Variants in SSPN observed in about 807,000 individuals in gnomAD.
The protein encoded by SSPN is K-ras oncogene-associated protein.
A neutral mutation model predicts 19.1 loss-of-function variants in SSPN; 15 were observed. The ratio of observed to expected loss-of-function variants is 0.78; its 90% CI spans 0.52 to 1.21. The LOEUF is 1.21. Ranked by LOEUF, SSPN falls within the 50% of genes most tolerant of loss-of-function variation. SSPN has a pLI of 0.00. For synonymous variants in SSPN, 147 were observed against 140.3 expected (o/e 1.05, Z -0.34); for missense variants, 291 against 314.0 (o/e 0.93, Z 0.55).
intron 1 of SSPN, chr12:26,124,964 A>C (rs1361230713): frequency 4.7e-6 from 3 of 633,642 alleles, no homozygotes; most frequent in Non-Finnish European, 8.6e-6. Flanking sequence ...GCTCGCACAC[A>C]CACACGCACA....
At chr12:26,159,903 G>A (rs1199329650) in intron 1 of SSPN, among the ~76,000 whole-genome samples, 2 of 152,230 alleles carry the variant, frequency 1.3e-5, no homozygotes, top group Non-Finnish European at 2.9e-5. Flanking sequence ...ATGAATGGAT[G>A]GCCCTTGATC....
At chr12:26,194,329 A>G (rs1372075378), upstream of SSPN, among the ~76,000 whole-genome samples, 1 of 152,304 alleles carries the variant, frequency 6.6e-6, no homozygotes, top group South Asian at 2.1e-4. Context: ...TTAAATATTG[A>G]CTGAGTAAAA....
chr12:26,210,683 AC>A (rs1944976086), intron 1 of SSPN, among the ~76,000 whole-genome samples: 1 of 152,126 alleles, frequency 6.6e-6, no homozygotes, highest in African/African-American at 2.4e-5. Context: ...ATCTGTTGAG[AC>A]AGAACAATTT....
chr12:26,137,666 T>A (rs1326335744), intron 1 of SSPN, among the ~76,000 whole-genome samples: 3,500 of 86,198 alleles, frequency 0.041, 108 homozygotes, highest in African/African-American at 0.11. Context: ...ATTTTTTTTT[T>A]TTTTTTTTTT....
intron 1 of SSPN, among the ~76,000 whole-genome samples, chr12:26,166,393 A>G (rs1944621376): frequency 6.6e-6 from 1 of 152,210 alleles, no homozygotes; most frequent in Admixed American, 6.5e-5. Flanking sequence ...TGAACTCGGA[A>G]ATGTAGCAAC....
At chr12:26,129,002 C>A (rs1176146946) in intron 1 of SSPN, among the ~76,000 whole-genome samples, 1 of 152,058 alleles carries the variant, frequency 6.6e-6, no homozygotes, top group Non-Finnish European at 1.5e-5. Flanking sequence ...AGAAACAGAA[C>A]TTGCCTGAAA....
Position 26,232,399 on chromosome 12 carries a change from T to A in SSPN, c.*1323T>A. On this transcript the variant is annotated 3_prime_UTR_variant, in exon 3 of 3. Coordinates refer to ENST00000242729, the MANE Select transcript of SSPN (RefSeq NM_005086.5). Reference sequence around the variant, plus strand: ...TTATTGTTGCTATTAAATTCTGAACTGTATCCATATTTTAAGGAAGGAGCT... The same window carrying A: ...TTATTGTTGCTATTAAATTCTGAACAGTATCCATATTTTAAGGAAGGAGCT... 1.0e-6 allele frequency: 1 copy of A among 985,436 alleles called. No individual in the cohort carries two copies. The allele number at this position is 985,436 out of a possible 1,614,324, so 61.0% of individuals were successfully genotyped here. A position where few individuals can be genotyped will look rare whatever the true frequency, so the allele number is the denominator to read the frequency against.
intron 1 of SSPN, among the ~76,000 whole-genome samples, chr12:26,174,503 C>CCTTCCTTCCTT (rs75173753): frequency 8.0e-5 from 10 of 124,392 alleles, no homozygotes; most frequent in African/African-American, 2.9e-4. Context: ...TTCCTTCCTT[C>CCTTCCTTCCTT]CCTTCCTTCC....
intron 1 of SSPN, among the ~76,000 whole-genome samples, chr12:26,187,988 C>T (rs545295837): frequency 5.3e-5 from 8 of 152,248 alleles, no homozygotes; most frequent in East Asian, 3.9e-4. Flanking sequence ...TAGGAAAAGA[C>T]GACAGGGCTA....
intron 1 of SSPN, among the ~76,000 whole-genome samples, chr12:26,129,999 C>T (rs999615929): frequency 6.6e-6 from 1 of 152,194 alleles, no homozygotes; most frequent in African/African-American, 2.4e-5. Flanking sequence ...CCTGGCCCTT[C>T]TGCCCCTACG....
In SSPN at chr12:26,141,957, A is replaced by G. The variant is rs552466781; in HGVS notation, c.-31+19805A>G. Among the ~76,000 whole-genome samples, 4 of 152,340 alleles carry G rather than the reference A, an allele frequency of 2.6e-5. No individual in the cohort carries two copies. In the East Asian group the frequency reaches 7.7e-4, roughly 29 times the overall value. ...GCACCCATAGGAAAAGCACCTTGGCAGGCTCTCCAGAGGAATTACTATTGG... is the reference window on the plus strand; with the variant it reads ...GCACCCATAGGAAAAGCACCTTGGCGGGCTCTCCAGAGGAATTACTATTGG... On this transcript the variant is annotated intron_variant, in intron 1 of 2. Transcript: ENST00000538142.
In SSPN at chr12:26,232,370, G is replaced by C; in HGVS notation, c.*1294G>C. ...CCCCAAGGTGGGGAGACTTCTCTCT[G>C]TGATTATTGTTGCTATTAAATTCTG... On this transcript the variant is annotated 3_prime_UTR_variant, in exon 3 of 3. Coordinates refer to ENST00000242729, the MANE Select transcript of SSPN (RefSeq NM_005086.5). 2 of 982,204 alleles carry C rather than the reference G, an allele frequency of 2.0e-6. No individual in the cohort carries two copies. The highest frequency in any genetic ancestry group is 9.4e-5 in the South Asian group (2 of 21,206). The allele number at this position is 982,204 out of a possible 1,614,324, so 60.8% of individuals were successfully genotyped here.
In SSPN at chr12:26,169,031, G is replaced by GAAAA. The variant is rs57319271; in HGVS notation, c.-31+46886_-31+46889dup. Among the ~76,000 whole-genome samples, 1,078 of 145,436 alleles carry GAAAA rather than the reference G, an allele frequency of 7.4e-3. 12 individuals are homozygous for GAAAA. Among genetic ancestry groups the GAAAA allele is most frequent in the African/African-American group, 0.023 (917 of 39,810 alleles). On this transcript the variant is annotated intron_variant, in intron 1 of 2. Coordinates refer to the SSPN transcript ENST00000538142. ...AAAGGAAGATTATGGGCCTCATTTT[G>GAAAA]AAAAAAAAAACACTTAAGGTAATGA... is the stretch of plus-strand genomic sequence containing the variant.
chr12:26,143,773 G>A (rs562245501), intron 1 of SSPN, among the ~76,000 whole-genome samples: 4 of 152,274 alleles, frequency 2.6e-5, no homozygotes, highest in Admixed American at 6.5e-5. Flanking sequence ...GGAGGTGGGC[G>A]GTGGACATGC....
chr12:26,189,376 G>A (rs1022622963), intron 1 of SSPN, among the ~76,000 whole-genome samples: 3 of 152,064 alleles, frequency 2.0e-5, no homozygotes, highest in African/African-American at 4.8e-5. Context: ...ACATTCATAC[G>A]TACATATCTA....
At position 26,122,288 on chromosome 12, in the gene SSPN, GGCGGCGGCGGCA is replaced by G. The variant is rs974422055; in HGVS notation, c.-31+148_-31+159del. On this transcript the variant is annotated intron_variant, in intron 1 of 2. Coordinates refer to the SSPN transcript ENST00000538142. Reference sequence around the variant, plus strand: ...CCGAGGACAGGCAGGGGAACGCGGCGGCGGCGGCGGCAGCGGCGGCGGCGGCTGCCGCGGCTG... The same window carrying G: ...CCGAGGACAGGCAGGGGAACGCGGCGGCGGCGGCGGCGGCTGCCGCGGCTG... 3.4e-4 allele frequency: 405 copies of G among 1,197,034 alleles called. 3 individuals carry two copies. Among genetic ancestry groups the G allele is most frequent in the South Asian group, 1.2e-4 (3 of 24,040 alleles). 74.2% of individuals were successfully genotyped at this position (1,197,034 alleles called of 1,614,324 possible).
chr12:26,125,127 G>T (rs2137391155), intron 1 of SSPN: 1 of 386,644 alleles, frequency 2.6e-6, no homozygotes, highest in Non-Finnish European at 4.9e-6. Flanking sequence ...GGGGGCGGGG[G>T]AGGAGGGGCC....
intron 1 of SSPN, among the ~76,000 whole-genome samples, chr12:26,187,606 C>T (rs561251215): frequency 4.6e-5 from 7 of 152,184 alleles, no homozygotes; most frequent in South Asian, 2.1e-4. Context: ...GGGTGAGCAA[C>T]GTAGCATTTG....
chr12:26,195,562 G>C (rs1229902066), upstream of SSPN: 1 of 1,308,830 alleles, frequency 7.6e-7, no homozygotes, highest in Admixed American at 4.2e-5. Context: ...TTCCATATTT[G>C]TTCAGCCTCC....
Sources: allele counts gnomAD v4.1 joint callset (sites outside exome capture counted in the v4.1 genomes callset), GRCh38; gene constraint gnomAD v4.1.1; transcripts MANE v1.5; gene names NCBI Gene and HGNC (gene_info 2026-07-23, HGNC 2026-07-21).